IFT74: variants seen among roughly 807,000 people sequenced by gnomAD.
IFT74 encodes the protein intraflagellar transport 74.
Under a neutral mutation model 96.7 loss-of-function variants are expected in IFT74, and 92 were observed. That is an observed-to-expected ratio of 0.95 (90% confidence interval 0.80 to 1.13). IFT74 has a LOEUF of 1.13. Among genes scored for constraint, IFT74 ranks in the 50% most tolerant of loss-of-function variants. The probability of loss-of-function intolerance (pLI) is 0.00; values close to 1 mark genes in which losing one functional copy is unlikely to be tolerated. For missense variants in IFT74, 811 were observed against 698.2 expected (o/e 1.16, Z -1.82); for synonymous variants, 223 against 213.2 (o/e 1.05, Z -0.40).
At chr9:27,017,686 A>G (rs996591672) in intron 11 of IFT74, among the ~76,000 whole-genome samples, 1 of 152,156 alleles carries the variant, frequency 6.6e-6, no homozygotes, top group African/African-American at 2.4e-5. Context: ...AAGGCTAATG[A>G]CTTTTTGTGG....
chr9:27,035,699 C>G (rs985712396), intron 13 of IFT74, among the ~76,000 whole-genome samples: 1 of 152,164 alleles, frequency 6.6e-6, no homozygotes, highest in African/African-American at 2.4e-5. Context: ...ATATACAGTA[C>G]TCTGTTGGAA....
intron 18 of IFT74, 63 bp from the exon 19 acceptor site, chr9:27,060,528 T>C: frequency 9.2e-7 from 1 of 1,092,834 alleles, no homozygotes; most frequent in Non-Finnish European, 1.3e-6. Context: ...CTTATCCTCT[T>C]AGAAAGGCAT....
chr9:27,039,991 G>A (rs1202337440), intron 13 of IFT74, among the ~76,000 whole-genome samples: 2 of 152,162 alleles, frequency 1.3e-5, no homozygotes, highest in Non-Finnish European at 2.9e-5. Flanking sequence ...AGGAGTCAGG[G>A]AGGAGAAAGT....
intron 8 of IFT74, among the ~76,000 whole-genome samples, chr9:27,008,461 C>T (rs1828892878): frequency 2.6e-5 from 4 of 151,850 alleles, no homozygotes; most frequent in African/African-American, 7.2e-5. Context: ...TGGGTTCAAG[C>T]GATTCTCCTG....
At chr9:26,979,361 C>T (rs1480119135) in intron 3 of IFT74, among the ~76,000 whole-genome samples, 2 of 151,894 alleles carry the variant, frequency 1.3e-5, no homozygotes, top group East Asian at 1.9e-4. Flanking sequence ...TTTAAAACAT[C>T]GAGGGTAAAA....
chr9:26,970,044 C>T (rs960209729), intron 2 of IFT74, among the ~76,000 whole-genome samples: 4 of 151,326 alleles, frequency 2.6e-5, no homozygotes, highest in Non-Finnish European at 5.9e-5. Context: ...TTTTTAATTT[C>T]CACTGAAAGG....
intron 3 of IFT74, among the ~76,000 whole-genome samples, chr9:26,979,754 C>T (rs1189596973): frequency 7.2e-6 from 1 of 139,194 alleles, no homozygotes. Flanking sequence ...TCTCTGTCGC[C>T]CAGGCTGGAG....
chr9:26,954,379 C>A (rs12339708), upstream of IFT74, among the ~76,000 whole-genome samples: 1,183 of 152,312 alleles, frequency 7.8e-3, 11 homozygotes, highest in African/African-American at 0.026. Context: ...CAAATAATTT[C>A]TTTGCTGTGC....
intron 8 of IFT74, among the ~76,000 whole-genome samples, chr9:27,008,507 C>T (rs1419984761): frequency 6.6e-6 from 1 of 151,786 alleles, no homozygotes; most frequent in African/African-American, 2.4e-5. Flanking sequence ...TACAGGTGCC[C>T]GCCACCACGT....
intron 16 of IFT74, among the ~76,000 whole-genome samples, chr9:27,053,901 T>G (rs536144383): frequency 1.3e-5 from 2 of 152,344 alleles, no homozygotes; most frequent in South Asian, 4.1e-4. Context: ...TTCTCATAAC[T>G]ATTTCTAACC....
At chr9:26,959,576 A>G (rs1300045161) in intron 1 of IFT74, among the ~76,000 whole-genome samples, 1 of 152,182 alleles carries the variant, frequency 6.6e-6, no homozygotes, top group African/African-American at 2.4e-5. Context: ...GGTAGCAGTG[A>G]GGTTAATGCC....
Position 26,971,621 on chromosome 9 carries a change from G to A in IFT74, c.121-6507G>A, listed in dbSNP as rs183465093. ...AGACAGGTGTTTCAGAAGAAATGGC[G>A]GCTTGTTTGGCTATTTGATCTGCAA... On this transcript the variant is annotated intron_variant, in intron 2 of 19. Transcript: ENST00000380062. Among the ~76,000 whole-genome samples, 232 of 152,256 alleles carry A rather than the reference G, an allele frequency of 1.5e-3. 1 individual carries two copies. Among genetic ancestry groups the A allele is most frequent in the African/African-American group, 5.3e-3 (220 of 41,562 alleles).
At chr9:26,953,268 A>G (rs1011420251), upstream of IFT74, among the ~76,000 whole-genome samples, 3 of 152,228 alleles carry the variant, frequency 2.0e-5, no homozygotes, top group Admixed American at 2.0e-4. Context: ...AGCCTCTGCA[A>G]TATCAGTATA....
chr9:26,968,248 T>A (rs1427770919), intron 2 of IFT74, among the ~76,000 whole-genome samples: 1 of 144,962 alleles, frequency 6.9e-6, no homozygotes, highest in African/African-American at 2.6e-5. Flanking sequence ...GGGAGACGTT[T>A]TTTAAATTAA....
chr9:26,962,690 A>G (rs1826418485), intron 2 of IFT74, among the ~76,000 whole-genome samples: 1 of 152,238 alleles, frequency 6.6e-6, no homozygotes, highest in African/African-American at 2.4e-5. Flanking sequence ...AAATGAAACC[A>G]TAAATGTAGT....
At chr9:26,948,554 C>T (rs144359532) in intron 1 of IFT74, among the ~76,000 whole-genome samples, 23 of 144,230 alleles carry the variant, frequency 1.6e-4, no homozygotes, top group African/African-American at 4.9e-4. Flanking sequence ...CTGCAACCCT[C>T]GCCTCCCGGG....
At chr9:26,987,029 G>T (rs4413873) in intron 6 of IFT74, among the ~76,000 whole-genome samples, 2 of 151,950 alleles carry the variant, frequency 1.3e-5, no homozygotes, top group African/African-American at 4.8e-5. Flanking sequence ...TGTTTTAAAT[G>T]TGAGCAAAAT....
chr9:26,953,693 T>TA (rs1166496638), upstream of IFT74, among the ~76,000 whole-genome samples: 1 of 149,726 alleles, frequency 6.7e-6, no homozygotes, highest in Admixed American at 6.6e-5. Flanking sequence ...TCATTTTTTG[T>TA]AGGGGGGGGG....
At chr9:26,974,442 C>G (rs1827012600) in intron 2 of IFT74, among the ~76,000 whole-genome samples, 1 of 152,098 alleles carries the variant, frequency 6.6e-6, no homozygotes, top group Non-Finnish European at 1.5e-5. Context: ...CTCCTTTAGC[C>G]TGTCTAAGAA....
Sources: gnomAD v4.1 joint callset for allele counts (sites outside exome capture counted in the v4.1 genomes callset) on GRCh38, gnomAD v4.1.1 for gene constraint, MANE v1.5 for transcripts, NCBI Gene and HGNC (gene_info 2026-07-23, HGNC 2026-07-21) for gene names.